CDC42BPB: variants seen among roughly 807,000 people sequenced by gnomAD.
CDC42BPB encodes the protein serine/threonine-protein kinase MRCK beta.
A neutral mutation model predicts 214.9 loss-of-function variants in CDC42BPB; 37 were observed. That is an observed-to-expected ratio of 0.17 (90% CI 0.13 to 0.23). CDC42BPB has a LOEUF of 0.23. Ranked by LOEUF, CDC42BPB falls within the 10% of genes least tolerant of loss-of-function variation. The pLI is 1.00. For missense variants in CDC42BPB, 1,694 were observed against 2,227.0 expected (o/e 0.76, Z 4.82); for synonymous variants, 931 against 884.0 (o/e 1.05, Z -0.94).
intron 6 of CDC42BPB, among the ~76,000 whole-genome samples, chr14:102,985,347 G>A (rs34917587): frequency 0.039 from 5,753 of 146,230 alleles, 358 homozygotes; most frequent in African/African-American, 0.15. Flanking sequence ...ACAGGGTGGT[G>A]TGGAGGTGAG....
chr14:102,954,163 T>C, intron 23 of CDC42BPB, 35 bp downstream of exon 23: 4 of 1,385,910 alleles, frequency 2.9e-6, no homozygotes, highest in Non-Finnish European at 4.0e-6. Context: ...ACTAAATAAC[T>C]AAGAAGGCGC....
At chr14:102,991,133 G>C (rs1348272798) in intron 5 of CDC42BPB, among the ~76,000 whole-genome samples, 3 of 152,182 alleles carry the variant, frequency 2.0e-5, no homozygotes, top group Non-Finnish European at 4.4e-5. Context: ...AAACTATATA[G>C]CAGAAAAATC....
At chr14:103,054,256 C>T (rs1188991307) in intron 1 of CDC42BPB, among the ~76,000 whole-genome samples, 1 of 152,208 alleles carries the variant, frequency 6.6e-6, no homozygotes. Context: ...TGGGCTGAAT[C>T]AGCTACTTTT....
At chr14:103,044,790 C>T (rs1415834943) in intron 1 of CDC42BPB, among the ~76,000 whole-genome samples, 1 of 150,806 alleles carries the variant, frequency 6.6e-6, no homozygotes, top group African/African-American at 2.4e-5. Flanking sequence ...GGATTGCAGG[C>T]GTGAGCCACC....
At chr14:103,020,245 T>C (rs1886691458) in intron 1 of CDC42BPB, among the ~76,000 whole-genome samples, 1 of 152,154 alleles carries the variant, frequency 6.6e-6, no homozygotes, top group Non-Finnish European at 1.5e-5. Flanking sequence ...CTTTTACCAA[T>C]GAAGGTGAAC....
At chr14:103,043,477 T>C (rs1888122237) in intron 1 of CDC42BPB, among the ~76,000 whole-genome samples, 1 of 152,054 alleles carries the variant, frequency 6.6e-6, no homozygotes, top group Non-Finnish European at 1.5e-5. Flanking sequence ...CAGGCAGATA[T>C]ATAATGAAAG....
In CDC42BPB at chr14:102,947,706, A is replaced by G. The variant is rs372582018; in HGVS notation, c.3531+15T>C. 1 of 1,598,054 alleles carries G rather than the reference A, an allele frequency of 6.3e-7. No individual in the cohort carries two copies. Among genetic ancestry groups the G allele is most frequent in the South Asian group, 1.1e-5 (1 of 90,820 alleles). On this transcript the variant is annotated intron_variant, in intron 27 of 36. Transcript: ENST00000361246. ...ACCATGTGCTTTGTTAAAAAGATTA[A>G]TGAAAAATTCATACCCTGAATATAC... is the stretch of plus-strand genomic sequence containing the variant.
intron 16 of CDC42BPB, 46 bp downstream of exon 16, chr14:102,968,207 A>G: frequency 1.4e-6 from 2 of 1,423,428 alleles, no homozygotes; most frequent in Non-Finnish European, 2.0e-6. Context: ...TTTTTAAATT[A>G]CAACTTCCAC....
At chr14:103,034,626 C>A (rs1002865130) in intron 1 of CDC42BPB, among the ~76,000 whole-genome samples, 4 of 152,074 alleles carry the variant, frequency 2.6e-5, no homozygotes, top group Admixed American at 6.6e-5. Flanking sequence ...CGAGACCAAC[C>A]TGGCCAACAT....
chr14:102,944,056 A>C lies in CDC42BPB; in HGVS notation c.4243T>G (p.Ser1415Ala). 1.9e-6 allele frequency: 3 copies of C among 1,613,578 alleles called. No individual in the cohort carries two copies. The highest frequency in any genetic ancestry group is 2.5e-6 in the Non-Finnish European group (3 of 1,180,012). ...PLNLVNPNDP[S>A]LAFLSQQSFD... ...GACTGTTGTGAGAGGAACGCAAGCG[A>C]GGGGTCATTGGGATTTACCAGGTTT... Residue 1415 changes from serine (S) to alanine (A), a missense_variant, in exon 30 of 37, where the codon TCG becomes GCG. Transcript: ENST00000361246. This position sits in a 1 kb window ranked among gnomAD's most constrained non-coding sequence, Gnocchi z 6.6.
chr14:102,947,270 T>C (rs1281244114), intron 27 of CDC42BPB, among the ~76,000 whole-genome samples: 3 of 152,232 alleles, frequency 2.0e-5, no homozygotes, highest in African/African-American at 7.2e-5. Context: ...CCCAATTCAG[T>C]CTTCTAGGAA....
rs942631122 is a variant in CDC42BPB at position 102,950,030 on chromosome 14, G to A, written c.3310-126C>T. 9 of 1,506,640 alleles carry A rather than the reference G, an allele frequency of 6.0e-6. No individual in the cohort carries two copies. The African/African-American group carries it at 9.7e-5, about 16-fold the overall frequency. 93.3% of individuals were successfully genotyped at this position (1,506,640 alleles called of 1,614,324 possible). A position where few individuals can be genotyped will look rare whatever the true frequency, so the allele number is the denominator to read the frequency against. Reference sequence around the variant, plus strand: ...GGCAGAGCTGTTTGGACAGAGGGATGTTTGCCCAAGAAGGCTCAAGGCGTT... The same window carrying A: ...GGCAGAGCTGTTTGGACAGAGGGATATTTGCCCAAGAAGGCTCAAGGCGTT... On this transcript the variant is annotated intron_variant, in intron 25 of 36. Transcript: ENST00000361246.
rs1291338035 is a variant in CDC42BPB at position 102,972,950 on chromosome 14, T to A, written c.1642-789A>T. ...ACAGTGAAGAACTGTATAAAAACAATCGCTGGACAGCCTGCCCTTCAATGC... is the reference window on the plus strand; with the variant it reads ...ACAGTGAAGAACTGTATAAAAACAAACGCTGGACAGCCTGCCCTTCAATGC... On this transcript the variant is annotated intron_variant, in intron 12 of 36. Coordinates refer to ENST00000361246, the MANE Select transcript of CDC42BPB (RefSeq NM_006035.4). 2.0e-5 allele frequency among the ~76,000 whole-genome samples: 3 copies of A among 152,166 alleles called. 1 individual carries two copies. Among genetic ancestry groups the A allele is most frequent in the Middle Eastern group, 6.8e-3 (2 of 294 alleles).
At chr14:102,965,148 A>G (rs773477124) in intron 18 of CDC42BPB, among the ~76,000 whole-genome samples, 6 of 151,952 alleles carry the variant, frequency 3.9e-5, no homozygotes, top group Non-Finnish European at 5.9e-5. Context: ...TGGCCAGGCT[A>G]GTCTCCAACT....
At chr14:102,941,653 TA>T (rs1227786989) in intron 30 of CDC42BPB, 1 of 594,512 alleles carries the variant, frequency 1.7e-6, no homozygotes. Context: ...GACTCAGTGA[TA>T]AACAGATGCC....
intron 6 of CDC42BPB, among the ~76,000 whole-genome samples, chr14:102,985,249 A>T (rs1299587829): frequency 6.8e-6 from 1 of 147,216 alleles, no homozygotes; most frequent in East Asian, 2.0e-4. Flanking sequence ...GGTGGTGTGG[A>T]GGTGAGGAGG....
In CDC42BPB at chr14:103,057,021, G is replaced by C; in HGVS notation, c.153C>G (p.Tyr51Ter). 2 of 1,495,336 alleles carry C rather than the reference G, an allele frequency of 1.3e-6. No homozygotes were observed. The highest frequency in any genetic ancestry group is 8.9e-7 in the Non-Finnish European group (1 of 1,125,574). The allele number at this position is 1,495,336 out of a possible 1,614,324, so 92.6% of individuals were successfully genotyped here. Residue 51 changes from tyrosine to a stop codon, truncating the protein, a stop_gained, in exon 1 of 37, where the codon TAC (tyrosine) becomes TAG (stop). Transcript: ENST00000361246. LOFTEE classifies it high-confidence loss of function. ...TACCCCACTCGAGGAACTCGGCCAC[G>C]TACTTGTCGCGGCGCAGGGCCGAGT... Reference protein sequence around the residue: ...CSHSALRRDKYVAEFLEWAKP... With the variant: ...CSHSALRRDK
intron 1 of CDC42BPB, among the ~76,000 whole-genome samples, chr14:103,019,833 G>T (rs1886668989): frequency 6.6e-6 from 1 of 152,182 alleles, no homozygotes; most frequent in Non-Finnish European, 1.5e-5. Context: ...AATCAATCAA[G>T]TGTAACCACC....
chr14:103,043,564 G>A (rs991439588), intron 1 of CDC42BPB, among the ~76,000 whole-genome samples: 2 of 152,084 alleles, frequency 1.3e-5, no homozygotes, highest in Admixed American at 6.6e-5. Flanking sequence ...TTCCTTTGGC[G>A]GTGATGGCGA....
Sources: allele counts gnomAD v4.1 joint callset (sites outside exome capture counted in the v4.1 genomes callset), GRCh38; gene constraint gnomAD v4.1.1; non-coding constraint Gnocchi (gnomAD v3.1); transcripts MANE v1.5; gene names NCBI Gene and HGNC (gene_info 2026-07-23, HGNC 2026-07-21).